Variants in SCN8A observed in about 807,000 individuals in gnomAD.
SCN8A encodes the protein sodium channel protein type 8 subunit alpha.
In SCN8A, 30 loss-of-function variants were observed where a neutral mutation model predicts 184.1. The ratio of observed to expected loss-of-function variants is 0.16; its 90% CI spans 0.12 to 0.22. The LOEUF (loss-of-function observed/expected upper bound fraction) is 0.22. SCN8A is among the 10% of genes least tolerant of loss of function. The probability of loss-of-function intolerance (pLI) is 1.00; values close to 1 mark genes in which losing one functional copy is unlikely to be tolerated. For synonymous variants in SCN8A, 852 were observed against 907.0 expected, an observed-to-expected ratio of 0.94 and a Z score of 1.09; for missense variants, 1,057 against 2,498.9, an observed-to-expected ratio of 0.42 and a Z score of 12.30.
At chr12:51,801,893 A>G (rs750613895) in intron 26 of SCN8A, among the ~76,000 whole-genome samples, 1 of 152,110 alleles carries the variant, frequency 6.6e-6, no homozygotes, top group Non-Finnish European at 1.5e-5. Flanking sequence ...CGTCTCTACT[A>G]AAAATACAAA....
chr12:51,780,815 A>G, intron 21 of SCN8A, 44 bp downstream of exon 21: 1 of 1,534,078 alleles, frequency 6.5e-7, no homozygotes, highest in South Asian at 1.3e-5. Context: ...GCCAGTGGAA[A>G]CTGTTTAAGC....
At chr12:51,803,900 T>C (rs1938621272) in intron 26 of SCN8A, among the ~76,000 whole-genome samples, 1 of 152,202 alleles carries the variant, frequency 6.6e-6, no homozygotes, top group Non-Finnish European at 1.5e-5. Flanking sequence ...TCTTGTCTTT[T>C]CCTGAAAAGC....
At chr12:51,608,402 G>C (rs1402900690) in intron 1 of SCN8A, among the ~76,000 whole-genome samples, 1 of 151,884 alleles carries the variant, frequency 6.6e-6, no homozygotes, top group African/African-American at 2.4e-5. Flanking sequence ...TTAAATTACT[G>C]TTTCAGTCTT....
rs897011304 is a variant in SCN8A at position 51,657,076 on chromosome 12, G to A, written c.-54-5688G>A. Among the ~76,000 whole-genome samples, 9 of 152,186 alleles carry A rather than the reference G, an allele frequency of 5.9e-5. No individual in the cohort carries two copies. The East Asian group carries it at 9.7e-4, about 16-fold the overall frequency. ...TGTGTGTGCACTGTTCATAGTAGTC[G>A]AAAGGTAGAAAGAATTCAATGTCCA... On this transcript the variant is annotated intron_variant, in intron 1 of 26. Coordinates refer to ENST00000627620, the MANE Select transcript of SCN8A (RefSeq NM_001330260.2).
chr12:51,735,187 T>C (rs1942304450), intron 12 of SCN8A, among the ~76,000 whole-genome samples: 1 of 152,220 alleles, frequency 6.6e-6, no homozygotes, highest in Non-Finnish European at 1.5e-5. Flanking sequence ...TGCCGTACTT[T>C]TTGGTATTTC....
At chr12:51,613,255 A>C (rs1256103161) in intron 1 of SCN8A, among the ~76,000 whole-genome samples, 1 of 152,178 alleles carries the variant, frequency 6.6e-6, no homozygotes, top group Non-Finnish European at 1.5e-5. Context: ...TCTTTGTGTG[A>C]AGGTTTTAAA....
At chr12:51,789,744 C>T (rs984920377) in intron 24 of SCN8A, among the ~76,000 whole-genome samples, 1 of 152,168 alleles carries the variant, frequency 6.6e-6, no homozygotes, top group Non-Finnish European at 1.5e-5. Flanking sequence ...GAATAGCTAT[C>T]GCAAGAAGTA....
At chr12:51,738,960 C>T (rs1011400693) in intron 12 of SCN8A, among the ~76,000 whole-genome samples, 1 of 152,170 alleles carries the variant, frequency 6.6e-6, no homozygotes, top group Non-Finnish European at 1.5e-5. Flanking sequence ...TGGAAATGCC[C>T]TGGTTTAGAA....
At chr12:51,797,855 CATT>C (rs1371475330) in intron 26 of SCN8A, among the ~76,000 whole-genome samples, 1 of 152,172 alleles carries the variant, frequency 6.6e-6, no homozygotes, top group Non-Finnish European at 1.5e-5. Flanking sequence ...TTAATGGAAT[CATT>C]GTTGTGTCTC....
At chr12:51,646,802 G>T (rs1940599436) in intron 1 of SCN8A, among the ~76,000 whole-genome samples, 1 of 152,188 alleles carries the variant, frequency 6.6e-6, no homozygotes, top group Non-Finnish European at 1.5e-5. Context: ...AATAGGTGAT[G>T]GGGGAATGGG....
At chr12:51,802,368 T>G (rs776274167) in intron 26 of SCN8A, among the ~76,000 whole-genome samples, 1 of 152,076 alleles carries the variant, frequency 6.6e-6, no homozygotes, top group African/African-American at 2.4e-5. Flanking sequence ...TGTCAGAGTT[T>G]ACAAGCTCAG....
chr12:51,663,903 A>ATTT lies in SCN8A; in HGVS notation c.276+832_276+834dup, dbSNP rs796653928. On this transcript the variant is annotated intron_variant, in intron 2 of 26. Coordinates refer to ENST00000627620, the MANE Select transcript of SCN8A (RefSeq NM_001330260.2). ...TTTTAGGGAACCCCTCATTTGACAG[A>ATTT]TTTTTTTTTTTTTTTTTTTTTTTTG... 2.9e-4 allele frequency among the ~76,000 whole-genome samples: 20 copies of ATTT among 69,814 alleles called. 1 individual carries two copies. Among genetic ancestry groups the ATTT allele is most frequent in the African/African-American group, 5.3e-4 (11 of 20,738 alleles). 45.8% of individuals were successfully genotyped at this position (69,814 alleles called of 152,430 possible). A position where few individuals can be genotyped will look rare whatever the true frequency, so the allele number is the denominator to read the frequency against.
intron 1 of SCN8A, among the ~76,000 whole-genome samples, chr12:51,645,142 C>G (rs1282837662): frequency 6.7e-6 from 1 of 150,338 alleles, no homozygotes; most frequent in Non-Finnish European, 1.5e-5. Context: ...TCTGCCCGGC[C>G]GCCCCTACTG....
intron 1 of SCN8A, among the ~76,000 whole-genome samples, chr12:51,634,929 C>T (rs1295277940): frequency 5.9e-5 from 9 of 152,072 alleles, no homozygotes; most frequent in Non-Finnish European, 8.8e-5. Context: ...GGATTACAGG[C>T]GTGAGCCACC....
At chr12:51,602,188 C>T (rs1340474051) in intron 1 of SCN8A, among the ~76,000 whole-genome samples, 2 of 150,848 alleles carry the variant, frequency 1.3e-5, no homozygotes, top group East Asian at 2.0e-4. Flanking sequence ...TATTGGTGCT[C>T]AACACAGGAA....
chr12:51,603,318 G>C (rs1939509569), intron 1 of SCN8A, among the ~76,000 whole-genome samples: 1 of 152,224 alleles, frequency 6.6e-6, no homozygotes, highest in Non-Finnish European at 1.5e-5. Flanking sequence ...ATAATACTTT[G>C]GAGATTTAAC....
chr12:51,803,949 T>G (rs979525134), intron 26 of SCN8A, among the ~76,000 whole-genome samples: 19 of 149,070 alleles, frequency 1.3e-4, no homozygotes, highest in African/African-American at 4.9e-4. Flanking sequence ...CTTCTGCAGT[T>G]AACTGCCCCA....
chr12:51,652,013 A>C (rs1192311518), intron 1 of SCN8A, among the ~76,000 whole-genome samples: 1 of 152,238 alleles, frequency 6.6e-6, no homozygotes, highest in Non-Finnish European at 1.5e-5. Flanking sequence ...GACTAAATAA[A>C]TAGCAAGTAT....
At chr12:51,705,677 A>G in intron 10 of SCN8A, 54 bp downstream of exon 10, 3 of 1,477,732 alleles carry the variant, frequency 2.0e-6, no homozygotes, top group Admixed American at 2.0e-5. Flanking sequence ...GGTGACTAAG[A>G]CCCCATCTGA....
Sources: allele counts gnomAD v4.1 joint callset (sites outside exome capture counted in the v4.1 genomes callset), GRCh38; gene constraint gnomAD v4.1.1; transcripts MANE v1.5; gene names NCBI Gene and HGNC (gene_info 2026-07-23, HGNC 2026-07-21).